The following CLNK variants were observed in gnomAD, a reference collection of about 807,000 sequenced individuals.
CLNK encodes cytokine-dependent hematopoietic cell linker.
In CLNK, 74 loss-of-function variants were observed where a neutral mutation model predicts 68.6. The ratio of observed to expected loss-of-function variants is 1.08; its 90% CI spans 0.89 to 1.31. The LOEUF (loss-of-function observed/expected upper bound fraction) is 1.31, where lower values mean the gene tolerates loss of function less well. Ranked by LOEUF, CLNK falls within the 50% of genes most tolerant of loss-of-function variation. The probability of loss-of-function intolerance (pLI) is 0.00; values close to 1 mark genes in which losing one functional copy is unlikely to be tolerated. For synonymous variants in CLNK, 198 were observed against 172.2 expected, an observed-to-expected ratio of 1.15 and a Z score of -1.17; for missense variants, 553 against 515.3, an observed-to-expected ratio of 1.07 and a Z score of -0.71.
chr4:10,613,735 T>TAG (rs1722124496), intron 2 of CLNK, among the ~76,000 whole-genome samples: 2 of 152,136 alleles, frequency 1.3e-5, no homozygotes, highest in Non-Finnish European at 2.9e-5. Flanking sequence ...AGGGGAGGTG[T>TAG]TACTCTCTTT....
At chr4:10,559,564 T>C (rs1326481337) in intron 7 of CLNK, among the ~76,000 whole-genome samples, 1 of 152,164 alleles carries the variant, frequency 6.6e-6, no homozygotes, top group Non-Finnish European at 1.5e-5. Flanking sequence ...TCAATGCTCA[T>C]GCCCCATGCT....
chr4:10,638,466 T>G (rs1723181768), intron 2 of CLNK, among the ~76,000 whole-genome samples: 1 of 152,236 alleles, frequency 6.6e-6, no homozygotes, highest in Non-Finnish European at 1.5e-5. Context: ...ACATGGAATT[T>G]GCCCAGGATT....
intron 4 of CLNK, among the ~76,000 whole-genome samples, chr4:10,579,040 A>T (rs7683820): frequency 0.22 from 33,792 of 152,138 alleles, 4,002 homozygotes; most frequent in African/African-American, 0.29. Flanking sequence ...AGAACCAGGG[A>T]TCAAACTCTG....
In CLNK at chr4:10,513,474, G is replaced by A. The variant is rs762619599; in HGVS notation, c.896C>T (p.Ser299Phe). ...GAAGTGTCTGCTTACCTTTCTATCA[G>A]ACCTTTTGGGGAAAGGTGGTCTCCA... ...TSWRPPFPKRSDRKDVQHNEW... is the reference protein window; with the variant it reads ...TSWRPPFPKRFDRKDVQHNEW... The change falls in exon 16 of 19, where the codon TCT (serine) becomes TTT (phenylalanine). Residue 299 changes from serine (S) to phenylalanine (F), a missense_variant. Physicochemically the swap from Ser to Phe is radical, Grantham distance 155. Transcript: ENST00000226951. 3 of 1,611,450 alleles carry A rather than the reference G, an allele frequency of 1.9e-6. No individual in the cohort carries two copies. The East Asian group carries it at 6.7e-5, about 36-fold the overall frequency.
chr4:10,733,885 C>G, the CLNK span, among the ~76,000 whole-genome samples: 1 of 152,220 alleles, frequency 6.6e-6, no homozygotes, highest in African/African-American at 2.4e-5. Context: ...ACATAAGTGC[C>G]ATTCTCCTGA....
intron 4 of CLNK, among the ~76,000 whole-genome samples, chr4:10,572,655 C>G (rs1374689019): frequency 1.3e-5 from 2 of 152,188 alleles, no homozygotes; most frequent in African/African-American, 2.4e-5. Context: ...CTGCATGCTT[C>G]CTAGCAACTG....
intron 2 of CLNK, 58 bp downstream of exon 2, chr4:10,667,801 C>A (rs1283760037): frequency 1.3e-6 from 2 of 1,512,308 alleles, no homozygotes; most frequent in Admixed American, 2.1e-5. Flanking sequence ...CCAGAAAACA[C>A]CTCCTGTCCC....
intron 2 of CLNK, among the ~76,000 whole-genome samples, chr4:10,647,157 A>T (rs1723544356): frequency 2.0e-5 from 3 of 152,174 alleles, no homozygotes; most frequent in Non-Finnish European, 4.4e-5. Flanking sequence ...TGTGATACAG[A>T]AATCATAGCT....
chr4:10,532,587 C>A (rs963600689), intron 11 of CLNK, among the ~76,000 whole-genome samples: 6 of 152,184 alleles, frequency 3.9e-5, no homozygotes, highest in Non-Finnish European at 2.9e-5. Context: ...TGATTTCCTA[C>A]GTCAAGTTTC....
At chr4:10,491,979 T>G (rs768674027) in intron 18 of CLNK, among the ~76,000 whole-genome samples, 28 of 152,090 alleles carry the variant, frequency 1.8e-4, no homozygotes, top group Non-Finnish European at 3.2e-4. Flanking sequence ...ACACAGTAAT[T>G]CTGATCAGGT....
the CLNK span, among the ~76,000 whole-genome samples, chr4:10,723,434 C>T: frequency 0.066 from 10,094 of 152,204 alleles, 451 homozygotes; most frequent in East Asian, 0.1. Flanking sequence ...CTCAGAGGAA[C>T]TTGTGGGTCT....
chr4:10,553,537 C>T (rs1165390187), intron 8 of CLNK, among the ~76,000 whole-genome samples: 3 of 152,082 alleles, frequency 2.0e-5, no homozygotes, highest in African/African-American at 7.2e-5. Flanking sequence ...CTGCAACCTC[C>T]GCCTCCCAGG....
intron 15 of CLNK, among the ~76,000 whole-genome samples, chr4:10,518,070 C>A (rs752438032): frequency 1.3e-5 from 2 of 151,588 alleles, no homozygotes; most frequent in Non-Finnish European, 2.9e-5. Context: ...AAATAGGACT[C>A]TCCTAACATG....
intron 1 of CLNK, among the ~76,000 whole-genome samples, chr4:10,668,418 A>T (rs1000024502): frequency 3.3e-5 from 5 of 152,224 alleles, no homozygotes; most frequent in African/African-American, 1.2e-4. Flanking sequence ...TACCATATAA[A>T]TTAGCAGCAG....
intron 10 of CLNK, among the ~76,000 whole-genome samples, chr4:10,541,564 A>G (rs1719026704): frequency 6.6e-6 from 1 of 150,802 alleles, no homozygotes; most frequent in African/African-American, 2.4e-5. Flanking sequence ...TAAATGTAAT[A>G]GTATTTATAT....
chr4:10,691,665 CTG>C, the CLNK span, among the ~76,000 whole-genome samples: 7 of 151,788 alleles, frequency 4.6e-5, no homozygotes, highest in East Asian at 7.7e-4. Context: ...GTTAAAAACA[CTG>C]TAGTATTTTT....
intron 11 of CLNK, among the ~76,000 whole-genome samples, chr4:10,540,198 C>T (rs142911838): frequency 1.8e-4 from 28 of 152,280 alleles, no homozygotes; most frequent in South Asian, 1.0e-3. Context: ...CAGGGCTCTT[C>T]GCCATTTGCT....
At chr4:10,731,444 G>T in the CLNK span, among the ~76,000 whole-genome samples, 1 of 152,098 alleles carries the variant, frequency 6.6e-6, no homozygotes, top group African/African-American at 2.4e-5. Flanking sequence ...CACATCTTTT[G>T]TTCCTTAGTT....
rs1553848181 is a variant in CLNK at position 10,537,706 on chromosome 4, C to CCTTCCTTT, written c.602+2787_602+2788insAAAGGAAG. Among the ~76,000 whole-genome samples, 15 of 13,402 alleles carry CCTTCCTTT rather than the reference C, an allele frequency of 1.1e-3. 1 individual carries two copies. The highest frequency in any genetic ancestry group is 9.9e-3 in the South Asian group (3 of 304). The allele number at this position is 13,402 out of a possible 152,430, so 8.8% of individuals were successfully genotyped here. Reference sequence around the variant, plus strand: ...TCCTTCCTTCCTTCCTTCCTTCCTTCCTTTCTTTCTTTCTTTCTTTCTTTC... The same window carrying CCTTCCTTT: ...TCCTTCCTTCCTTCCTTCCTTCCTTCCTTCCTTTCTTTCTTTCTTTCTTTCTTTCTTTC... On this transcript the variant is annotated intron_variant, in intron 11 of 18. Coordinates refer to ENST00000226951, the MANE Select transcript of CLNK (RefSeq NM_052964.4).
Sources: gnomAD v4.1 joint callset for allele counts (sites outside exome capture counted in the v4.1 genomes callset) on GRCh38, gnomAD v4.1.1 for gene constraint, MANE v1.5 for transcripts, NCBI Gene and HGNC (gene_info 2026-07-23, HGNC 2026-07-21) for gene names.